Variants in PDE3B observed in about 807,000 individuals in gnomAD.
PDE3B encodes the protein phosphodiesterase 3B, also known as cGMP-inhibited 3',5'-cyclic phosphodiesterase 3B.
A neutral mutation model predicts 116.8 loss-of-function variants in PDE3B; 66 were observed. The observed-to-expected ratio is 0.56, with a 90% CI of 0.46 to 0.69. The LOEUF is 0.69. Among genes scored for constraint, PDE3B ranks in the 30% least tolerant of loss-of-function variants. The probability of loss-of-function intolerance (pLI) is 0.00; values close to 1 mark genes in which losing one functional copy is unlikely to be tolerated. For missense variants in PDE3B, 1,384 were observed against 1,368.1 expected (o/e 1.01, Z -0.18); for synonymous variants, 595 against 533.6 (o/e 1.12, Z -1.59).
At chr11:14,881,953 G>C in the PDE3B span, among the ~76,000 whole-genome samples, 1 of 152,006 alleles carries the variant, frequency 6.6e-6, no homozygotes, top group Non-Finnish European at 1.5e-5. Flanking sequence ...ACATTCTCTT[G>C]TGTACATGAG....
At chr11:14,749,490 A>T (rs1438596553) in intron 1 of PDE3B, among the ~76,000 whole-genome samples, 2 of 152,056 alleles carry the variant, frequency 1.3e-5, no homozygotes, top group Admixed American at 1.3e-4. Flanking sequence ...TTTGTTTTTA[A>T]CCTGTTGGCC....
intron 12 of PDE3B, among the ~76,000 whole-genome samples, chr11:14,846,601 T>C (rs1478298001): frequency 1.3e-5 from 2 of 151,690 alleles, no homozygotes; most frequent in Non-Finnish European, 2.9e-5. Flanking sequence ...ACCCATCTCA[T>C]GTGCAGAGAC....
intron 1 of PDE3B, among the ~76,000 whole-genome samples, chr11:14,716,241 A>G (rs911509526): frequency 6.6e-5 from 10 of 152,222 alleles, no homozygotes; most frequent in Admixed American, 2.0e-4. Context: ...CCACGAGACT[A>G]TATCCCACAC....
At chr11:14,761,728 T>C (rs1230153369) in intron 1 of PDE3B, among the ~76,000 whole-genome samples, 1 of 152,128 alleles carries the variant, frequency 6.6e-6, no homozygotes, top group African/African-American at 2.4e-5. Flanking sequence ...CTAGCATCTT[T>C]GTTTGCTTAA....
chr11:14,783,297 G>C (rs1366108431), intron 2 of PDE3B, among the ~76,000 whole-genome samples: 4 of 152,164 alleles, frequency 2.6e-5, no homozygotes, highest in Non-Finnish European at 5.9e-5. Flanking sequence ...CTGCTATAAA[G>C]ACACATGCAC....
In PDE3B at chr11:14,818,395, TA is replaced by T. The variant is rs765206823; in HGVS notation, c.1733+4del. 28 of 1,586,794 alleles carry T rather than the reference TA, an allele frequency of 1.8e-5. No individual in the cohort carries two copies. Among genetic ancestry groups the T allele is most frequent in the Non-Finnish European group, 2.4e-5 (28 of 1,155,228 alleles). On this transcript the variant is annotated splice_donor_region_variant and intron_variant, in intron 6 of 15. Transcript: ENST00000282096. ...TTCTGATAGCAATCTGTGTAACAGG[TA>T]AGTTTCCCAACTGTTTATTATTTCT...
Position 14,859,225 on chromosome 11 carries a change from T to C in PDE3B, c.2703T>C (p.Phe901=). The change falls in exon 13 of 16, where the codon TTT becomes TTC. Residue 901 remains phenylalanine (F), a synonymous_variant. Transcript: ENST00000282096. ...LATDLKKHFD[F]LAEFNAKAND... ...CGGATCTTAAAAAGCATTTTGATTTTCTCGCAGAATTCAATGCCAAGGTTT... is the reference window on the plus strand; with the variant it reads ...CGGATCTTAAAAAGCATTTTGATTTCCTCGCAGAATTCAATGCCAAGGTTT... 6.2e-7 allele frequency: 1 copy of C among 1,611,200 alleles called. No homozygotes were observed. The highest frequency in any genetic ancestry group is 1.1e-5 in the South Asian group (1 of 90,096).
chr11:14,779,037 A>G (rs1857884251), intron 2 of PDE3B, among the ~76,000 whole-genome samples: 1 of 152,196 alleles, frequency 6.6e-6, no homozygotes, highest in South Asian at 2.1e-4. Flanking sequence ...CACAAGCTTC[A>G]GTAGCCGATT....
At chr11:14,729,666 A>G (rs1295126801) in intron 1 of PDE3B, among the ~76,000 whole-genome samples, 6 of 152,372 alleles carry the variant, frequency 3.9e-5, no homozygotes. Flanking sequence ...TCAGAAGTTG[A>G]TTAATCTAAC....
chr11:14,660,539 A>G (rs375504911), intron 1 of PDE3B, among the ~76,000 whole-genome samples: 2 of 151,938 alleles, frequency 1.3e-5, no homozygotes, highest in African/African-American at 4.8e-5. Flanking sequence ...CCTGAGCTCT[A>G]GTCATCTGCC....
At chr11:14,862,236 T>C (rs550461295) in intron 14 of PDE3B, among the ~76,000 whole-genome samples, 1 of 152,268 alleles carries the variant, frequency 6.6e-6, no homozygotes, top group African/African-American at 2.4e-5. Flanking sequence ...CTGACATTTC[T>C]GATGGGGTTG....
chr11:14,688,158 T>TCTCC, intron 1 of PDE3B, among the ~76,000 whole-genome samples: 1 of 66,092 alleles, frequency 1.5e-5, no homozygotes, highest in Non-Finnish European at 4.0e-5. Context: ...CCTCCCTCCA[T>TCTCC]CCCTCTCTCT....
chr11:14,874,842 T>C (rs1848174728), downstream of PDE3B, among the ~76,000 whole-genome samples: 1 of 152,210 alleles, frequency 6.6e-6, no homozygotes, highest in Non-Finnish European at 1.5e-5. Context: ...TATAATTAAA[T>C]GTATTCAGTG....
intron 10 of PDE3B, among the ~76,000 whole-genome samples, chr11:14,834,729 T>A (rs1860000186): frequency 6.6e-6 from 1 of 152,242 alleles, no homozygotes; most frequent in East Asian, 1.9e-4. Flanking sequence ...GAGAACATTT[T>A]CCAATGCCTT....
rs777899482 is a variant in PDE3B at position 14,644,802 on chromosome 11, G to C, written c.727G>C (p.Ala243Pro). 6.2e-7 allele frequency: 1 copy of C among 1,610,896 alleles called. No homozygotes were observed. The highest frequency in any genetic ancestry group is 8.5e-7 in the Non-Finnish European group (1 of 1,178,448). The change falls in exon 1 of 16, where the codon GCC (alanine) becomes CCC (proline). Residue 243 changes from alanine (A) to proline (P), a missense_variant. Physicochemically the swap from Ala to Pro is conservative, Grantham distance 27 (BLOSUM62 -1). Around this residue, in one of 2 missense-constraint regions of PDE3B, gnomAD observed 956 missense variants for 806.8 expected, o/e 1.18. Transcript: ENST00000282096. Reference sequence around the variant, plus strand: ...CACCAGCCTCGGGTCGCTGCCCTCCGCCCTCAGGCCGCTGCTCTCCGGCCT... The same window carrying C: ...CACCAGCCTCGGGTCGCTGCCCTCCCCCCTCAGGCCGCTGCTCTCCGGCCT... ...SFTSLGSLPS[A>P]LRPLLSGLVG...
At chr11:14,793,373 A>G (rs1042541065) in intron 4 of PDE3B, among the ~76,000 whole-genome samples, 16 of 152,158 alleles carry the variant, frequency 1.1e-4, no homozygotes, top group Admixed American at 9.8e-4. Flanking sequence ...GTGATTTTAT[A>G]TAATATTTTA....
chr11:14,778,333 G>A (rs772667644), intron 2 of PDE3B, among the ~76,000 whole-genome samples: 9 of 152,298 alleles, frequency 5.9e-5, no homozygotes, highest in East Asian at 3.9e-4. Flanking sequence ...CTCCCAGCAC[G>A]GAGTTTGAGA....
At chr11:14,832,663 C>A in intron 9 of PDE3B, 59 bp from the exon 10 acceptor site, 2 of 645,836 alleles carry the variant, frequency 3.1e-6, no homozygotes, top group Non-Finnish European at 2.7e-6. Context: ...AAACATTATA[C>A]TCAGCTACAA....
chr11:14,724,416 T>C (rs1425350213), intron 1 of PDE3B, among the ~76,000 whole-genome samples: 1 of 152,174 alleles, frequency 6.6e-6, no homozygotes, highest in Admixed American at 6.5e-5. Flanking sequence ...ATGTACAGGT[T>C]GAACATCCCT....
Sources: allele counts gnomAD v4.1 joint callset (sites outside exome capture counted in the v4.1 genomes callset), GRCh38; gene constraint gnomAD v4.1.1; regional missense constraint gnomAD v4.1.1; transcripts MANE v1.5; gene names NCBI Gene and HGNC (gene_info 2026-07-23, HGNC 2026-07-21).